Variants in LRP1B observed in about 807,000 individuals in gnomAD.
LRP1B encodes the protein low-density lipoprotein receptor-related protein 1B.
In LRP1B, 217 loss-of-function variants were observed where a neutral mutation model predicts 556.6. The ratio of observed to expected loss-of-function variants is 0.39; its 90% CI spans 0.35 to 0.44. The LOEUF is 0.44. Ranked by LOEUF, LRP1B falls within the 20% of genes least tolerant of loss-of-function variation. The pLI, the probability that LRP1B is intolerant of heterozygous loss-of-function variation, is 1.00. For missense variants in LRP1B, 5,053 were observed against 5,620.8 expected (o/e 0.90, Z 3.23); for synonymous variants, 2,047 against 1,865.8 (o/e 1.10, Z -2.50).
intron 2 of LRP1B, among the ~76,000 whole-genome samples, chr2:141,592,160 T>G (rs1200782178): frequency 6.6e-6 from 1 of 152,118 alleles, no homozygotes; most frequent in African/African-American, 2.4e-5. Context: ...TTTCCATACT[T>G]ATTGTTTATA....
chr2:140,534,681 T>G (rs1385041246), intron 46 of LRP1B, among the ~76,000 whole-genome samples: 5 of 152,170 alleles, frequency 3.3e-5, no homozygotes, highest in African/African-American at 1.2e-4. Flanking sequence ...TTCTGAGTTC[T>G]ATTTACCATT....
At chr2:142,051,897 C>G (rs1438753868) in intron 1 of LRP1B, among the ~76,000 whole-genome samples, 1 of 152,154 alleles carries the variant, frequency 6.6e-6, no homozygotes, top group Admixed American at 6.6e-5. Context: ...TACTGGAAGA[C>G]AGTTCAACCA....
intron 3 of LRP1B, among the ~76,000 whole-genome samples, chr2:141,368,922 A>G (rs575474837): frequency 6.6e-6 from 1 of 152,316 alleles, no homozygotes; most frequent in Non-Finnish European, 1.5e-5. Context: ...TATTTCAGCT[A>G]TAGTTAATTC....
chr2:140,970,736 T>C (rs1430062903), intron 18 of LRP1B, among the ~76,000 whole-genome samples: 449 of 30,320 alleles, frequency 0.015, 45 homozygotes, highest in African/African-American at 0.027. Flanking sequence ...TTTTTTTTTT[T>C]TTTTTTTTTT....
intron 11 of LRP1B, among the ~76,000 whole-genome samples, chr2:141,034,085 A>G (rs1698458122): frequency 6.6e-6 from 1 of 152,120 alleles, no homozygotes; most frequent in Non-Finnish European, 1.5e-5. Flanking sequence ...GGCCTTTAAA[A>G]AAATCTCTTT....
intron 37 of LRP1B, among the ~76,000 whole-genome samples, chr2:140,707,128 T>C (rs1686868010): frequency 1.3e-5 from 2 of 152,168 alleles, no homozygotes; most frequent in African/African-American, 4.8e-5. Flanking sequence ...ACTGTTTCCC[T>C]AGAGCTCGAA....
intron 87 of LRP1B, among the ~76,000 whole-genome samples, chr2:140,243,760 G>T (rs1306874877): frequency 6.6e-6 from 1 of 151,026 alleles, no homozygotes. Flanking sequence ...CCAGCACACT[G>T]GTCTTCTTTC....
chr2:141,207,293 A>G (rs1682329123), intron 6 of LRP1B, among the ~76,000 whole-genome samples: 1 of 152,206 alleles, frequency 6.6e-6, no homozygotes, highest in African/African-American at 2.4e-5. Context: ...TGAATATTCT[A>G]TAAAGATAAA....
At chr2:141,729,254 C>G (rs1196396398) in intron 2 of LRP1B, among the ~76,000 whole-genome samples, 1 of 152,136 alleles carries the variant, frequency 6.6e-6, no homozygotes, top group Non-Finnish European at 1.5e-5. Context: ...GGGCATCAGC[C>G]AGACACAGTG....
chr2:141,401,053 C>T (rs1690434178), intron 3 of LRP1B, among the ~76,000 whole-genome samples: 1 of 152,138 alleles, frequency 6.6e-6, no homozygotes. Context: ...TTTTTAAAAG[C>T]TGGCAATTAA....
At chr2:140,764,790 T>C (rs958881826) in intron 35 of LRP1B, among the ~76,000 whole-genome samples, 1 of 152,116 alleles carries the variant, frequency 6.6e-6, no homozygotes, top group Non-Finnish European at 1.5e-5. Context: ...ACATCCATAG[T>C]TTATATTAGC....
chr2:141,560,091 G>A (rs1686091778), intron 2 of LRP1B, among the ~76,000 whole-genome samples: 1 of 151,422 alleles, frequency 6.6e-6, no homozygotes. Flanking sequence ...TTTGACCCCT[G>A]AGACATGCAA....
Position 140,650,407 on chromosome 2 carries a change from G to A in LRP1B, c.6800-48768C>T, listed in dbSNP as rs482286. 8.7e-3 allele frequency among the ~76,000 whole-genome samples: 1,321 copies of A among 151,470 alleles called. 19 individuals are homozygous for A. Among genetic ancestry groups the A allele is most frequent in the African/African-American group, 0.031 (1,264 of 41,332 alleles). On this transcript the variant is annotated intron_variant, in intron 41 of 90. Transcript: ENST00000389484. ...TCTGTTGCCTAGGCTGGAGTGCAGT[G>A]GCACAATCTCGGCTCACTGCAACCT...
chr2:142,020,622 A>G (rs1453061510), intron 1 of LRP1B, among the ~76,000 whole-genome samples: 1 of 152,138 alleles, frequency 6.6e-6, no homozygotes, highest in East Asian at 1.9e-4. Flanking sequence ...TTAATTTTGT[A>G]CTTCTAACCA....
chr2:141,081,221 C>T (rs916297864), intron 7 of LRP1B, among the ~76,000 whole-genome samples: 3 of 152,106 alleles, frequency 2.0e-5, no homozygotes, highest in Non-Finnish European at 4.4e-5. Flanking sequence ...TAGAAATACA[C>T]AATTTGAATA....
chr2:141,393,442 G>A (rs1315523918), intron 3 of LRP1B, among the ~76,000 whole-genome samples: 1 of 152,062 alleles, frequency 6.6e-6, no homozygotes, highest in Non-Finnish European at 1.5e-5. Context: ...GGCCCAATTA[G>A]CATTTCTGCC....
intron 7 of LRP1B, among the ~76,000 whole-genome samples, chr2:141,086,624 G>T (rs1700053282): frequency 2.6e-5 from 1 of 38,822 alleles, no homozygotes; most frequent in South Asian, 1.1e-3. Flanking sequence ...ATATTTGTGT[G>T]TGTGTGTGTG....
chr2:140,976,374 G>T (rs1696599064), intron 18 of LRP1B, among the ~76,000 whole-genome samples: 1 of 151,236 alleles, frequency 6.6e-6, no homozygotes, highest in Admixed American at 6.6e-5. Context: ...AAGACTACAA[G>T]TACAAGAGAC....
In LRP1B at chr2:141,957,731, T is replaced by TGTAGGAGGAG. The variant is rs1248027663; in HGVS notation, c.83-147340_83-147331dup. 3.3e-5 allele frequency among the ~76,000 whole-genome samples: 5 copies of TGTAGGAGGAG among 152,110 alleles called. No homozygotes were observed. The East Asian group carries it at 9.7e-4, about 30-fold the overall frequency. On this transcript the variant is annotated intron_variant, in intron 1 of 90. Transcript: ENST00000389484. ...ATTAATCGACAACATGGCATTGATT[T>TGTAGGAGGAG]GTAGGAGGAGGATATACTGGCGAGA...
Sources: gnomAD v4.1 joint callset for allele counts (sites outside exome capture counted in the v4.1 genomes callset) on GRCh38, gnomAD v4.1.1 for gene constraint, MANE v1.5 for transcripts, NCBI Gene and HGNC (gene_info 2026-07-23, HGNC 2026-07-21) for gene names.